The following TG variants were observed in gnomAD, a reference collection of about 807,000 sequenced individuals.
TG encodes the protein thyroid hormones.
TG carries 270 observed loss-of-function variants against 324.7 expected under a neutral mutation model. That is an observed-to-expected ratio of 0.83 (90% CI 0.75 to 0.92). The LOEUF is 0.92. TG is among the 40% of genes least tolerant of loss of function. The pLI, the probability that TG is intolerant of heterozygous loss-of-function variation, is 0.00. For synonymous variants in TG, 1,401 were observed against 1,327.0 expected (o/e 1.06, Z -1.21); for missense variants, 3,591 against 3,456.4 (o/e 1.04, Z -0.98).
At position 133,116,674 on chromosome 8, in the gene TG, AC is replaced by A; in HGVS notation, c.7821del (p.Asn2607LysfsTer47). On this transcript the variant is annotated frameshift_variant, in exon 45 of 48. Coordinates refer to ENST00000220616, the MANE Select transcript of TG (RefSeq NM_003235.5). LOFTEE classifies it high-confidence loss of function. ...GCCTGGGCAAAGAGGGCCCGAGGAA[AC>A]GTCTTCATGTACCATGCTCCTGAAA... Reference protein sequence around the residue: ...ASAWAKRARGNVFMYHAPENY... With the variant: ...ASAWAKRARGXVFMYHAPENY... The A allele has an allele frequency of 6.2e-7, 1 of 1,614,250 alleles. No individual in the cohort carries two copies. Among genetic ancestry groups the A allele is most frequent in the African/African-American group, 1.3e-5 (1 of 75,078 alleles).
intron 35 of TG, among the ~76,000 whole-genome samples, chr8:133,006,780 G>C (rs570655169): frequency 2.6e-4 from 39 of 152,300 alleles, no homozygotes; most frequent in African/African-American, 9.1e-4. Context: ...CAGTAGACTT[G>C]AACAGGAAAA....
intron 41 of TG, among the ~76,000 whole-genome samples, chr8:133,092,323 G>A (rs1183105789): frequency 1.3e-5 from 2 of 152,152 alleles, no homozygotes; most frequent in African/African-American, 4.8e-5. Context: ...AAAAAGCAGT[G>A]GTCAGCAATT....
At chr8:133,019,791 T>A in intron 39 of TG, 96 bp downstream of exon 39, 1 of 1,025,094 alleles carries the variant, frequency 9.8e-7, no homozygotes, top group Non-Finnish European at 1.5e-6. Flanking sequence ...TCTCCTCCTC[T>A]GTGGCCTGCT....
At chr8:133,038,212 T>C in intron 41 of TG, 2 of 375,938 alleles carry the variant, frequency 5.3e-6, no homozygotes, top group Non-Finnish European at 5.0e-6. Context: ...GTGCCCTTTC[T>C]TGTGAGAGTG....
At chr8:133,057,017 A>G (rs1397705697) in intron 41 of TG, among the ~76,000 whole-genome samples, 1 of 152,174 alleles carries the variant, frequency 6.6e-6, no homozygotes, top group Non-Finnish European at 1.5e-5. Flanking sequence ...GGTGGTGCGA[A>G]GACCACTTAC....
At chr8:132,873,029 A>T (rs1175137196) in intron 4 of TG, 33 bp from the exon 5 acceptor site, 2 of 1,613,364 alleles carry the variant, frequency 1.2e-6, no homozygotes, top group Non-Finnish European at 1.7e-6. Flanking sequence ...GTCTACTCAT[A>T]TATAAGGATT....
chr8:132,888,940 C>A (rs560887099), intron 10 of TG, among the ~76,000 whole-genome samples: 1 of 152,140 alleles, frequency 6.6e-6, no homozygotes, highest in Non-Finnish European at 1.5e-5. Context: ...AGTAATCGCT[C>A]CTATGTTAGG....
chr8:133,016,904 T>C (rs1835076100), intron 37 of TG, among the ~76,000 whole-genome samples: 1 of 152,188 alleles, frequency 6.6e-6, no homozygotes, highest in African/African-American at 2.4e-5. Context: ...TGGCGATTAG[T>C]GTTGCATGGA....
intron 34 of TG, among the ~76,000 whole-genome samples, chr8:132,980,507 T>C (rs1384533544): frequency 2.0e-5 from 3 of 151,958 alleles, no homozygotes; most frequent in African/African-American, 7.3e-5. Context: ...TGTTTCTGAG[T>C]TGTATACTTT....
chr8:133,004,519 C>T lies in TG; in HGVS notation c.6263-7382C>T, dbSNP rs147359232. ...GTGTCTCTATGGTCTGGGGGAGTATCCTGTGGTCTTTCCTCCAGTGCCTCA... is the reference window on the plus strand; with the variant it reads ...GTGTCTCTATGGTCTGGGGGAGTATTCTGTGGTCTTTCCTCCAGTGCCTCA... On this transcript the variant is annotated intron_variant, in intron 35 of 47. Coordinates refer to ENST00000220616, the MANE Select transcript of TG (RefSeq NM_003235.5). Among the ~76,000 whole-genome samples, 203 of 152,254 alleles carry T rather than the reference C, an allele frequency of 1.3e-3. 1 individual carries two copies. Among genetic ancestry groups the T allele is most frequent in the Middle Eastern group, 6.8e-3 (2 of 294 alleles).
Position 132,908,261 on chromosome 8 carries a change from C to T in TG, c.3923C>T (p.Ala1308Val), listed in dbSNP as rs745487347. 3.1e-6 allele frequency: 5 copies of T among 1,613,974 alleles called. No individual in the cohort carries two copies. Among genetic ancestry groups the T allele is most frequent in the Non-Finnish European group, 3.4e-6 (4 of 1,180,000 alleles). The change falls in exon 18 of 48, where the codon GCT becomes GTT. Residue 1308 changes from alanine to valine, a missense_variant. Coordinates refer to ENST00000220616, the MANE Select transcript of TG (RefSeq NM_003235.5). ...LQLPPGKMCS[A>V]DYADLLQTFQ... is the part of the protein sequence containing the mutation. ...CTCCCGCCGGGCAAGATGTGCAGTG[C>T]TGACTACGCGGATTTGCTGCAGACT...
intron 43 of TG, among the ~76,000 whole-genome samples, chr8:133,112,938 T>A (rs1437973479): frequency 6.6e-6 from 1 of 152,170 alleles, no homozygotes; most frequent in Non-Finnish European, 1.5e-5. Flanking sequence ...CGTAACTATC[T>A]GTATGAAAGT....
chr8:133,014,798 G>T (rs1195843161), intron 37 of TG, among the ~76,000 whole-genome samples: 1 of 152,202 alleles, frequency 6.6e-6, no homozygotes, highest in Non-Finnish European at 1.5e-5. Flanking sequence ...ACCTGAGAAT[G>T]CTTTGATCGC....
intron 34 of TG, among the ~76,000 whole-genome samples, chr8:132,979,187 A>T (rs1830530143): frequency 6.6e-6 from 1 of 152,084 alleles, no homozygotes; most frequent in South Asian, 2.1e-4. Flanking sequence ...GTTAAGCAGT[A>T]CCCCAGAGCC....
Position 132,927,146 on chromosome 8 carries a change from C to A in TG, c.4700-1930C>A, listed in dbSNP as rs117417365. Among the ~76,000 whole-genome samples the A allele has an allele frequency of 3.4e-4, 51 of 152,166 alleles. 1 individual carries two copies. In the East Asian group the frequency reaches 9.7e-3, roughly 29 times the overall value. On this transcript the variant is annotated intron_variant, in intron 22 of 47. Transcript: ENST00000220616. ...ACCTCTGTTCCAATATGTGTGTGCA[C>A]GTTGTGTGTGCATATGTGTGTACAC...
intron 34 of TG, among the ~76,000 whole-genome samples, chr8:132,977,852 T>C (rs1180318841): frequency 6.6e-6 from 1 of 152,154 alleles, no homozygotes; most frequent in Non-Finnish European, 1.5e-5. Flanking sequence ...TTCTGAGGAA[T>C]TGCCACTAGG....
chr8:133,121,405 G>C (rs769047132), intron 45 of TG, among the ~76,000 whole-genome samples: 1 of 152,088 alleles, frequency 6.6e-6, no homozygotes, highest in Non-Finnish European at 1.5e-5. Context: ...ACATTTCCAG[G>C]TTATTCAGTT....
At chr8:132,970,596 T>G (rs1002103408) in intron 32 of TG, among the ~76,000 whole-genome samples, 5 of 152,150 alleles carry the variant, frequency 3.3e-5, no homozygotes, top group African/African-American at 1.2e-4. Flanking sequence ...GATCTACTTT[T>G]GAAAATGGGG....
chr8:133,113,548 G>A lies in TG; in HGVS notation c.7699G>A (p.Glu2567Lys). ...EAAATWYYSL[E>K]HSTDDYASFS... ...TGCTGCTACATGGTATTACTCTCTG[G>A]AGCACTCCACGGATGACTATGCCTC... The change falls in exon 44 of 48, where the codon GAG becomes AAG. Residue 2567 changes from glutamate to lysine, a missense_variant. Transcript: ENST00000220616. The A allele has an allele frequency of 6.2e-7, 1 of 1,614,150 alleles. No individual in the cohort carries two copies. The highest frequency in any genetic ancestry group is 8.5e-7 in the Non-Finnish European group (1 of 1,180,032).
Sources: gnomAD v4.1 joint callset for allele counts (sites outside exome capture counted in the v4.1 genomes callset) on GRCh38, gnomAD v4.1.1 for gene constraint, MANE v1.5 for transcripts, NCBI Gene and HGNC (gene_info 2026-07-23, HGNC 2026-07-21) for gene names.